Variants in MACROD2 observed in about 807,000 individuals in gnomAD.
MACROD2 encodes mono-ADP ribosylhydrolase 2.
In MACROD2, 36 loss-of-function variants were observed where a neutral mutation model predicts 70.4. The observed-to-expected ratio is 0.51, with a 90% CI of 0.39 to 0.68. The LOEUF (loss-of-function observed/expected upper bound fraction) is 0.68. Among genes scored for constraint, MACROD2 ranks in the 30% least tolerant of loss-of-function variants. The probability of loss-of-function intolerance (pLI) is 0.00; values close to 1 mark genes in which losing one functional copy is unlikely to be tolerated. For synonymous variants in MACROD2, 172 were observed against 178.8 expected (o/e 0.96, Z 0.30); for missense variants, 496 against 538.4 (o/e 0.92, Z 0.78).
intron 5 of MACROD2, among the ~76,000 whole-genome samples, chr20:14,981,163 G>A (rs1039167348): frequency 4.6e-5 from 7 of 151,868 alleles, no homozygotes; most frequent in Admixed American, 1.3e-4. Flanking sequence ...TCGCGTTCAA[G>A]GTCCTACACT....
intron 6 of MACROD2, among the ~76,000 whole-genome samples, chr20:15,428,857 G>A (rs1295477922): frequency 6.6e-6 from 1 of 151,680 alleles, no homozygotes; most frequent in Admixed American, 6.6e-5. Context: ...GTAAAATCTT[G>A]CCTTCCCTAC....
At position 15,091,608 on chromosome 20, in the gene MACROD2, C is replaced by T. The variant is rs1473440769; in HGVS notation, c.419-138332C>T. ...TGTTAACTGGAATAATGGGAACCCA[C>T]GTCACTAAGAGACCCATTGCCTGGT... On this transcript the variant is annotated intron_variant, in intron 5 of 17. Transcript: ENST00000684519. 4.6e-5 allele frequency among the ~76,000 whole-genome samples: 7 copies of T among 152,016 alleles called. 1 individual carries two copies. Among genetic ancestry groups the T allele is most frequent in the Admixed American group, 2.0e-4 (3 of 15,264 alleles).
chr20:15,121,016 T>C (rs2076026247), intron 5 of MACROD2, among the ~76,000 whole-genome samples: 1 of 152,160 alleles, frequency 6.6e-6, no homozygotes, highest in Non-Finnish European at 1.5e-5. Context: ...TGTCTCCACT[T>C]TGGCCTCTCT....
rs111322902 is a variant in MACROD2 at position 15,309,665 on chromosome 20, A to G, written c.540+79604A>G. 2.5e-3 allele frequency among the ~76,000 whole-genome samples: 387 copies of G among 152,362 alleles called. 4 individuals are homozygous for G. The highest frequency in any genetic ancestry group is 8.8e-3 in the African/African-American group (368 of 41,586). ...AGCTATAGAGTGGAATACAATAACA[A>G]GACAGAATATCTCTGCCTTAGGAGG... On this transcript the variant is annotated intron_variant, in intron 6 of 17. Coordinates refer to ENST00000684519, the MANE Select transcript of MACROD2 (RefSeq NM_001351661.2).
At chr20:15,992,748 T>C (rs1450495198) in intron 15 of MACROD2, among the ~76,000 whole-genome samples, 1 of 152,192 alleles carries the variant, frequency 6.6e-6, no homozygotes, top group Non-Finnish European at 1.5e-5. Context: ...TGCCCTGAGG[T>C]GTATGATTCT....
At chr20:15,461,063 A>G (rs1323886105) in intron 7 of MACROD2, among the ~76,000 whole-genome samples, 2 of 141,632 alleles carry the variant, frequency 1.4e-5, no homozygotes, top group East Asian at 4.1e-4. Flanking sequence ...GCAGTGAGCT[A>G]TGAGCATGAC....
intron 6 of MACROD2, among the ~76,000 whole-genome samples, chr20:15,250,004 A>T (rs1049110059): frequency 6.6e-5 from 10 of 152,244 alleles, no homozygotes; most frequent in South Asian, 2.1e-4. Context: ...CTACTTAAGA[A>T]AAGAAACTTT....
Position 15,234,289 on chromosome 20 carries a change from C to T in MACROD2, c.540+4228C>T, listed in dbSNP as rs548144883. ...CCTCGTGATCCGCCCGCCTCGGCCT[C>T]CCAAAGTGCTGGGATTACAAGCGTG... On this transcript the variant is annotated intron_variant, in intron 6 of 17. Transcript: ENST00000684519. 2.7e-5 allele frequency among the ~76,000 whole-genome samples: 4 copies of T among 150,920 alleles called. No homozygotes were observed. In the South Asian group the frequency reaches 6.3e-4, roughly 24 times the overall value.
intron 5 of MACROD2, among the ~76,000 whole-genome samples, chr20:14,764,488 C>T (rs1300387022): frequency 6.6e-6 from 1 of 152,032 alleles, no homozygotes; most frequent in African/African-American, 2.4e-5. Flanking sequence ...CTAGTATACA[C>T]TTGTGGGAGA....
At chr20:15,387,593 G>A (rs1000555203) in intron 6 of MACROD2, among the ~76,000 whole-genome samples, 4 of 150,578 alleles carry the variant, frequency 2.7e-5, no homozygotes, top group Admixed American at 6.6e-5. Context: ...CTTCCATAAA[G>A]GAAGCTCTTT....
At chr20:14,284,781 A>G (rs1479094038) in intron 3 of MACROD2, among the ~76,000 whole-genome samples, 2 of 152,168 alleles carry the variant, frequency 1.3e-5, no homozygotes, top group African/African-American at 4.8e-5. Flanking sequence ...TGGCCTAACT[A>G]GATGGTTTGT....
chr20:15,158,391 A>G (rs1163919070), intron 5 of MACROD2, among the ~76,000 whole-genome samples: 1 of 152,214 alleles, frequency 6.6e-6, no homozygotes, highest in Non-Finnish European at 1.5e-5. Context: ...TCTTATCCCC[A>G]CAAAATCCTC....
intron 3 of MACROD2, among the ~76,000 whole-genome samples, chr20:14,412,951 C>G (rs754633819): frequency 9.2e-5 from 14 of 152,168 alleles, no homozygotes; most frequent in Non-Finnish European, 1.8e-4. Flanking sequence ...TGACTCAAGA[C>G]TGTAATAAGC....
intron 6 of MACROD2, among the ~76,000 whole-genome samples, chr20:15,399,326 A>G (rs566748358): frequency 6.6e-5 from 10 of 152,158 alleles, no homozygotes; most frequent in Non-Finnish European, 1.5e-4. Flanking sequence ...AGGGAAATAA[A>G]AGGTAGCTGC....
At chr20:15,325,556 G>A (rs139523987) in intron 6 of MACROD2, among the ~76,000 whole-genome samples, 1 of 152,250 alleles carries the variant, frequency 6.6e-6, no homozygotes, top group Non-Finnish European at 1.5e-5. Flanking sequence ...TAACCTCCAT[G>A]GTGAAATATG....
intron 5 of MACROD2, among the ~76,000 whole-genome samples, chr20:14,854,285 G>A (rs1294280197): frequency 6.6e-6 from 1 of 152,136 alleles, no homozygotes; most frequent in Non-Finnish European, 1.5e-5. Context: ...GGTGAGAAGT[G>A]CAATAATTAG....
At chr20:14,468,424 G>A (rs527292892) in intron 3 of MACROD2, among the ~76,000 whole-genome samples, 1 of 147,574 alleles carries the variant, frequency 6.8e-6, no homozygotes, top group Non-Finnish European at 1.5e-5. Context: ...CAGAGACTAG[G>A]ATTGCAACCC....
At chr20:14,660,813 C>T (rs1408730802) in intron 4 of MACROD2, among the ~76,000 whole-genome samples, 1 of 152,030 alleles carries the variant, frequency 6.6e-6, no homozygotes, top group Non-Finnish European at 1.5e-5. Context: ...TTGGTTTTCT[C>T]TTCCTGCATT....
intron 5 of MACROD2, among the ~76,000 whole-genome samples, chr20:15,032,855 C>T (rs760226613): frequency 1.3e-5 from 2 of 152,038 alleles, no homozygotes; most frequent in Non-Finnish European, 1.5e-5. Context: ...AATGGATAAG[C>T]GAAATGTAGT....
Sources: allele counts gnomAD v4.1 joint callset (sites outside exome capture counted in the v4.1 genomes callset), GRCh38; gene constraint gnomAD v4.1.1; transcripts MANE v1.5; gene names NCBI Gene and HGNC (gene_info 2026-07-23, HGNC 2026-07-21).